APTX: variants seen among roughly 807,000 people sequenced by gnomAD.
The protein encoded by APTX is aprataxin, also known as forkhead-associated domain histidine triad-like protein.
Under a neutral mutation model 42.3 loss-of-function variants are expected in APTX, and 33 were observed. That is an observed-to-expected ratio of 0.78 (90% CI 0.59 to 1.04). APTX has a LOEUF of 1.04. Ranked by LOEUF, APTX falls within the 50% of genes least tolerant of loss-of-function variation. The pLI is 0.00. For synonymous variants in APTX, 130 were observed against 146.7 expected, an observed-to-expected ratio of 0.89 and a Z score of 0.82; for missense variants, 421 against 415.1, an observed-to-expected ratio of 1.01 and a Z score of -0.12.
chr9:33,007,912 T>C (rs748445839), intron 1 of APTX, among the ~76,000 whole-genome samples: 1 of 151,952 alleles, frequency 6.6e-6, no homozygotes, highest in African/African-American at 2.4e-5. Context: ...ACCCGTCCTC[T>C]GCTGGTTTCC....
intron 1 of APTX, among the ~76,000 whole-genome samples, chr9:33,015,504 G>A (rs1837834982): frequency 6.6e-6 from 1 of 152,038 alleles, no homozygotes; most frequent in South Asian, 2.1e-4. Context: ...GATTACAGCC[G>A]CACACCATCA....
At chr9:32,987,889 A>G (rs745939454) in intron 3 of APTX, 43 bp from the exon 4 acceptor site, 1 of 1,604,128 alleles carries the variant, frequency 6.2e-7, no homozygotes, top group South Asian at 1.1e-5. Context: ...TAATAGCAAC[A>G]GCACCTACAG....
intron 6 of APTX, 115 bp downstream of exon 6, chr9:32,984,516 C>T: frequency 9.1e-6 from 10 of 1,101,136 alleles, no homozygotes; most frequent in Non-Finnish European, 1.2e-5. Flanking sequence ...TTTGGAAAAA[C>T]TCCATCCCAC....
chr9:33,000,921 C>T (rs1005034493), intron 1 of APTX, among the ~76,000 whole-genome samples: 35 of 142,608 alleles, frequency 2.5e-4, no homozygotes, highest in African/African-American at 8.8e-4. Flanking sequence ...GATCTCAGCT[C>T]ACCACAAACT....
chr9:32,988,770 T>G (rs561912494), intron 2 of APTX, among the ~76,000 whole-genome samples: 2 of 151,764 alleles, frequency 1.3e-5, no homozygotes, highest in South Asian at 4.2e-4. Flanking sequence ...CCACTATTAT[T>G]TTGGAAAAAC....
rs185760403 is a variant in APTX at position 32,978,092 on chromosome 9, A to G, written c.771-3531T>C. On this transcript the variant is annotated intron_variant, in intron 6 of 7. Transcript: ENST00000379817. ...TTTATGTGACACAGGAGCCTTCCAA[A>G]TGAAGATGCAAAGATACGGGGAAAA... is the stretch of plus-strand genomic sequence containing the variant. 1.4e-4 allele frequency among the ~76,000 whole-genome samples: 21 copies of G among 152,342 alleles called. No individual in the cohort carries two copies. The East Asian group carries it at 2.3e-3, about 17-fold the overall frequency.
In APTX at chr9:32,997,717, C is replaced by T. The variant is rs183435891; in HGVS notation, c.-5+3850G>A. Among the ~76,000 whole-genome samples the T allele has an allele frequency of 9.2e-4, 140 of 152,298 alleles. 1 individual carries two copies. Among genetic ancestry groups the T allele is most frequent in the Non-Finnish European group, 1.6e-3 (111 of 68,026 alleles). ...CCTAAAGCATGAGGCAGAGAAGAGG[C>T]TGGAGATACAGGCAGGGTTCAGAAC... On this transcript the variant is annotated intron_variant, in intron 1 of 7. Coordinates refer to ENST00000379817, the MANE Select transcript of APTX (RefSeq NM_001195248.2).
chr9:32,993,167 T>C (rs540838868), intron 1 of APTX, among the ~76,000 whole-genome samples: 1 of 152,332 alleles, frequency 6.6e-6, no homozygotes, highest in East Asian at 1.9e-4. Flanking sequence ...TAATAAGAAC[T>C]ACCCTTTCTG....
chr9:33,024,859 AGAGGGGGGGG>A (rs1838729904), intron 1 of APTX: 1 of 6,822 alleles, frequency 1.5e-4, no homozygotes, highest in Non-Finnish European at 6.9e-4. Flanking sequence ...GGCGCCCGTA[AGAGGGGGGGG>A]GGGGGGGGCA....
chr9:32,974,445 G>A lies in APTX; in HGVS notation c.874+13C>T. The A allele has an allele frequency of 6.9e-7, 1 of 1,455,262 alleles. No homozygotes were observed. Among genetic ancestry groups the A allele is most frequent in the Non-Finnish European group, 9.7e-7 (1 of 1,035,860 alleles). The allele number at this position is 1,455,262 out of a possible 1,614,324, so 90.1% of individuals were successfully genotyped here. A position where few individuals can be genotyped will look rare whatever the true frequency, so the allele number is the denominator to read the frequency against. ...AAATGAAACAAATGTGAAAACCAAGGAACACTGTTTACCTTGTGATTCTAG... is the reference window on the plus strand; with the variant it reads ...AAATGAAACAAATGTGAAAACCAAGAAACACTGTTTACCTTGTGATTCTAG... On this transcript the variant is annotated intron_variant, in intron 7 of 7. Transcript: ENST00000379817.
At chr9:32,985,611 C>G (rs963762553) in intron 5 of APTX, among the ~76,000 whole-genome samples, 1 of 152,140 alleles carries the variant, frequency 6.6e-6, no homozygotes, top group Admixed American at 6.5e-5. Context: ...GCTGGGATTA[C>G]AGGGATGTCT....
chr9:32,979,719 G>C (rs1189431846), intron 6 of APTX: 1 of 168,450 alleles, frequency 5.9e-6, no homozygotes, highest in African/African-American at 2.4e-5. Flanking sequence ...ATATCTCTCT[G>C]AGCCCATCAC....
At chr9:32,983,866 G>A (rs565768094) in intron 6 of APTX, among the ~76,000 whole-genome samples, 123 of 152,234 alleles carry the variant, frequency 8.1e-4, no homozygotes, top group African/African-American at 2.9e-3. Context: ...GAAATGGAGA[G>A]TTATTATTTA....
intron 1 of APTX, among the ~76,000 whole-genome samples, chr9:33,015,008 A>G (rs1837792815): frequency 6.6e-6 from 1 of 152,258 alleles, no homozygotes; most frequent in East Asian, 1.9e-4. Context: ...GTTTAGAGAC[A>G]AATTCATGGC....
At chr9:33,005,889 G>T (rs1196701932), upstream of APTX, among the ~76,000 whole-genome samples, 1 of 152,150 alleles carries the variant, frequency 6.6e-6, no homozygotes, top group Admixed American at 6.5e-5. Flanking sequence ...AATCATTTAT[G>T]CAAGGATTTA....
intron 3 of APTX, 38 bp downstream of exon 3, chr9:32,988,045 T>C (rs1471573907): frequency 6.2e-7 from 1 of 1,601,388 alleles, no homozygotes; most frequent in Non-Finnish European, 8.6e-7. Context: ...CATAAGAAAA[T>C]CATCGAGTAT....
intron 1 of APTX, among the ~76,000 whole-genome samples, chr9:33,014,151 T>C (rs1837735415): frequency 6.6e-6 from 1 of 152,186 alleles, no homozygotes; most frequent in Admixed American, 6.5e-5. Flanking sequence ...CTGGCACCAT[T>C]ACCAGCCCTG....
In APTX at chr9:32,988,004, C is replaced by T. The variant is rs1832603614; in HGVS notation, c.180+79G>A. The T allele has an allele frequency of 2.6e-6, 4 of 1,545,622 alleles. No individual in the cohort carries two copies. In the East Asian group the frequency reaches 6.7e-5, roughly 26 times the overall value. ...TCCATACATGACAGAGAAGCCTTCA[C>T]TGGCTGGCACAGACACTCTAAAGTC... On this transcript the variant is annotated intron_variant, in intron 3 of 7. Coordinates refer to ENST00000379817, the MANE Select transcript of APTX (RefSeq NM_001195248.2).
intron 1 of APTX, among the ~76,000 whole-genome samples, chr9:33,007,606 A>G (rs1212523002): frequency 6.6e-6 from 1 of 152,272 alleles, no homozygotes; most frequent in South Asian, 2.1e-4. Context: ...CATAAAAGTT[A>G]TTTAGTGGTG....
Sources: gnomAD v4.1 joint callset for allele counts (sites outside exome capture counted in the v4.1 genomes callset) on GRCh38, gnomAD v4.1.1 for gene constraint, MANE v1.5 for transcripts, NCBI Gene and HGNC (gene_info 2026-07-23, HGNC 2026-07-21) for gene names.